The following FOCAD variants were observed in gnomAD, a reference collection of about 807,000 sequenced individuals.
The protein encoded by FOCAD is focadhesin.
In FOCAD, 198 loss-of-function variants were observed where a neutral mutation model predicts 225.6. That is an observed-to-expected ratio of 0.88 (90% CI 0.78 to 0.99). FOCAD has a LOEUF of 0.99. FOCAD is among the 50% of genes least tolerant of loss of function. The pLI is 0.00. For synonymous variants in FOCAD, 897 were observed against 755.0 expected, an observed-to-expected ratio of 1.19 and a Z score of -3.08; for missense variants, 2,713 against 2,123.6, an observed-to-expected ratio of 1.28 and a Z score of -5.46.
intron 7 of FOCAD, among the ~76,000 whole-genome samples, chr9:20,767,472 C>T (rs1216421789): frequency 1.3e-5 from 2 of 150,792 alleles, no homozygotes; most frequent in East Asian, 1.9e-4. Flanking sequence ...TTCTCCACGT[C>T]CTCTCCAGCA....
In FOCAD at chr9:20,916,253, T is replaced by G. The variant is rs1833854819; in HGVS notation, c.2808-640T>G. ...CAAGTGGTTGTTTTTTACTTCATAT[T>G]GAAAATTCTATATTGAATTAAAAAT... On this transcript the variant is annotated intron_variant, in intron 23 of 43. Coordinates refer to ENST00000338382, the MANE Select transcript of FOCAD (RefSeq NM_001375567.1). Among the ~76,000 whole-genome samples, 3 of 152,194 alleles carry G rather than the reference T, an allele frequency of 2.0e-5. No individual in the cohort carries two copies. In the South Asian group the frequency reaches 6.2e-4, roughly 31 times the overall value.
At position 20,779,290 on chromosome 9, in the gene FOCAD, GC is replaced by G. The variant is rs2131084195; in HGVS notation, c.994+525del. Among the ~76,000 whole-genome samples, 2 of 152,370 alleles carry G rather than the reference GC, an allele frequency of 1.3e-5. 1 individual carries two copies. Among genetic ancestry groups the G allele is most frequent in the South Asian group, 4.1e-4 (2 of 4,834 alleles). ...GAAGAATGTGGTAAAGAAGCTAGTT[GC>G]CCTATCGGGCAAATAAGTCATACTT... On this transcript the variant is annotated intron_variant, in intron 9 of 43. Transcript: ENST00000338382.
At chr9:20,668,102 C>T (rs1035522855) in intron 2 of FOCAD, among the ~76,000 whole-genome samples, 21 of 152,222 alleles carry the variant, frequency 1.4e-4, no homozygotes, top group Non-Finnish European at 1.8e-4. Context: ...ACATTTCATA[C>T]GGCAGAGAAG....
chr9:20,757,849 A>G (rs1425565631), intron 5 of FOCAD, among the ~76,000 whole-genome samples: 2 of 152,126 alleles, frequency 1.3e-5, no homozygotes, highest in African/African-American at 2.4e-5. Context: ...CCAGATTTGG[A>G]TCTCTGAGGC....
chr9:20,882,164 A>G (rs1830724165), intron 20 of FOCAD, 108 bp downstream of exon 20: 11 of 902,158 alleles, frequency 1.2e-5, no homozygotes, highest in Non-Finnish European at 1.9e-5. Flanking sequence ...TGCTGCTACT[A>G]ACATGTGGAT....
In FOCAD at chr9:20,933,360, T is replaced by A. The variant is rs779202538; in HGVS notation, c.3407+257T>A. Among the ~76,000 whole-genome samples, 105 of 152,158 alleles carry A rather than the reference T, an allele frequency of 6.9e-4. 1 individual carries two copies. Among genetic ancestry groups the A allele is most frequent in the Non-Finnish European group, 1.3e-3 (86 of 68,018 alleles). On this transcript the variant is annotated intron_variant, in intron 28 of 43. Coordinates refer to ENST00000338382, the MANE Select transcript of FOCAD (RefSeq NM_001375567.1). ...TCCCTCACCCTCTTCCCACGCTTTC[T>A]CCCTGAATCCCCAAAGTCCAGTGTG... is the stretch of plus-strand genomic sequence containing the variant.
intron 35 of FOCAD, among the ~76,000 whole-genome samples, chr9:20,954,597 G>T (rs140026391): frequency 6.6e-6 from 1 of 152,194 alleles, no homozygotes; most frequent in African/African-American, 2.4e-5. Flanking sequence ...TTATGATTCT[G>T]TAGTCATCAT....
intron 15 of FOCAD, among the ~76,000 whole-genome samples, chr9:20,859,983 T>C (rs1828612697): frequency 6.6e-6 from 1 of 152,010 alleles, no homozygotes; most frequent in Non-Finnish European, 1.5e-5. Flanking sequence ...CAAACTTGAA[T>C]GTGATGGTTG....
At chr9:20,662,320 C>G (rs1052351565) in intron 2 of FOCAD, among the ~76,000 whole-genome samples, 23 of 152,224 alleles carry the variant, frequency 1.5e-4, no homozygotes, top group Middle Eastern at 3.4e-3. Context: ...GTAGTCTGCA[C>G]AAAAGCCTCC....
chr9:20,922,563 T>C (rs1244573966), intron 24 of FOCAD, among the ~76,000 whole-genome samples: 1 of 152,228 alleles, frequency 6.6e-6, no homozygotes, highest in South Asian at 2.1e-4. Flanking sequence ...CAATTGAGAC[T>C]ATGGCTTGGG....
chr9:20,779,875 C>T (rs1035429034), intron 9 of FOCAD, among the ~76,000 whole-genome samples: 2 of 152,080 alleles, frequency 1.3e-5, no homozygotes. Flanking sequence ...ATGGCTTTAG[C>T]ACATGGAGGG....
At chr9:20,905,840 T>A (rs1832909487) in intron 21 of FOCAD, among the ~76,000 whole-genome samples, 1 of 152,028 alleles carries the variant, frequency 6.6e-6, no homozygotes. Context: ...GCCCTCACCC[T>A]GCTCGTTGTA....
chr9:20,807,180 G>A (rs950546183), intron 11 of FOCAD, among the ~76,000 whole-genome samples: 2 of 152,154 alleles, frequency 1.3e-5, no homozygotes, highest in African/African-American at 2.4e-5. Context: ...AGCTTTTTAA[G>A]TTCATTTCAC....
intron 15 of FOCAD, among the ~76,000 whole-genome samples, chr9:20,836,880 TTA>T (rs1826042504): frequency 6.6e-6 from 1 of 152,110 alleles, no homozygotes; most frequent in African/African-American, 2.4e-5. Flanking sequence ...TGACTGCTCT[TTA>T]ATTGATTGTT....
At chr9:20,894,603 A>G (rs1831911081) in intron 21 of FOCAD, among the ~76,000 whole-genome samples, 1 of 152,084 alleles carries the variant, frequency 6.6e-6, no homozygotes, top group Non-Finnish European at 1.5e-5. Context: ...TATCCCTGAT[A>G]TGTGAAGCAT....
chr9:20,987,080 T>C (rs1841243655), intron 40 of FOCAD, among the ~76,000 whole-genome samples: 1 of 152,212 alleles, frequency 6.6e-6, no homozygotes, highest in Admixed American at 6.5e-5. Context: ...ACATTCAAGT[T>C]CTGAATGGCA....
intron 4 of FOCAD, among the ~76,000 whole-genome samples, chr9:20,724,305 A>T (rs1012930480): frequency 5.9e-5 from 9 of 152,196 alleles, no homozygotes; most frequent in Admixed American, 5.2e-4. Flanking sequence ...CTAATCTTTT[A>T]CAATAGATAG....
At chr9:20,674,554 C>A (rs1822173806) in intron 2 of FOCAD, among the ~76,000 whole-genome samples, 1 of 152,270 alleles carries the variant, frequency 6.6e-6, no homozygotes, top group African/African-American at 2.4e-5. Flanking sequence ...TTTAAGACCC[C>A]TAGCAACCCT....
intron 1 of FOCAD, among the ~76,000 whole-genome samples, chr9:20,697,606 C>G (rs1004460967): frequency 6.6e-6 from 1 of 152,232 alleles, no homozygotes; most frequent in African/African-American, 2.4e-5. Flanking sequence ...TCAAATGTCA[C>G]TATCAGAAAG....
Sources: gnomAD v4.1 joint callset for allele counts (sites outside exome capture counted in the v4.1 genomes callset) on GRCh38, gnomAD v4.1.1 for gene constraint, MANE v1.5 for transcripts, NCBI Gene and HGNC (gene_info 2026-07-23, HGNC 2026-07-21) for gene names.